REEP3: variants seen among roughly 807,000 people sequenced by gnomAD.
REEP3 encodes receptor expression-enhancing protein 3.
REEP3 carries 20 observed loss-of-function variants against 41.3 expected under a neutral mutation model. That is an observed-to-expected ratio of 0.48 (90% CI 0.34 to 0.70). REEP3 has a LOEUF of 0.70. REEP3 is among the 30% of genes least tolerant of loss of function. The pLI, the probability that REEP3 is intolerant of heterozygous loss-of-function variation, is 0.01. For synonymous variants in REEP3, 104 were observed against 101.8 expected (o/e 1.02, Z -0.13); for missense variants, 271 against 308.8 (o/e 0.88, Z 0.92).
intron 4 of REEP3, 85 bp downstream of exon 4, chr10:63,598,229 C>CAA: frequency 2.1e-6 from 2 of 955,614 alleles, no homozygotes; most frequent in Non-Finnish European, 3.0e-6. Context: ...CCTGTAATCC[C>CAA]AGCACTTTGG....
chr10:63,528,724 G>A (rs1023207467), intron 1 of REEP3, among the ~76,000 whole-genome samples: 2 of 152,174 alleles, frequency 1.3e-5, no homozygotes, highest in African/African-American at 2.4e-5. Flanking sequence ...TCCAGCCACA[G>A]TGATCTCCAA....
rs1956377092 is a variant in REEP3 at position 63,624,018 on chromosome 10, C to A, written c.*3149C>A. On this transcript the variant is annotated 3_prime_UTR_variant, in exon 8 of 8. Coordinates refer to ENST00000373758, the MANE Select transcript of REEP3 (RefSeq NM_001001330.3). ...TTAGAATAACACAGTCTGTGCTTTC[C>A]AAAAATGCTTGAACTTTTATGTTGT... 6.6e-6 allele frequency: 1 copy of A among 151,424 alleles called. No homozygotes were observed. Among genetic ancestry groups the A allele is most frequent in the Admixed American group, 6.6e-5 (1 of 15,202 alleles). 9.4% of individuals were successfully genotyped at this position (151,424 alleles called of 1,614,324 possible).
intron 3 of REEP3, among the ~76,000 whole-genome samples, chr10:63,597,485 C>G (rs546271580): frequency 2.6e-5 from 4 of 152,156 alleles, no homozygotes; most frequent in Non-Finnish European, 5.9e-5. Flanking sequence ...CTTTCCTATG[C>G]TTACTACAAA....
At chr10:63,589,384 A>G (rs891986762) in intron 2 of REEP3, among the ~76,000 whole-genome samples, 1 of 152,176 alleles carries the variant, frequency 6.6e-6, no homozygotes, top group South Asian at 2.1e-4. Context: ...CTTATGGCCC[A>G]GGAGACTGGT....
At chr10:63,586,492 T>TTTTTA (rs1442165159) in intron 2 of REEP3, among the ~76,000 whole-genome samples, 4 of 152,178 alleles carry the variant, frequency 2.6e-5, no homozygotes, top group Non-Finnish European at 4.4e-5. Context: ...TACTTATATA[T>TTTTTA]TTTTATTTTA....
At chr10:63,620,559 T>C (rs1275157612) in intron 7 of REEP3, among the ~76,000 whole-genome samples, 1 of 147,956 alleles carries the variant, frequency 6.8e-6, no homozygotes, top group Non-Finnish European at 1.5e-5. Context: ...TCATTGACAT[T>C]GTACTAAGCA....
intron 1 of REEP3, among the ~76,000 whole-genome samples, chr10:63,526,692 T>G (rs1402234595): frequency 6.6e-6 from 1 of 152,144 alleles, no homozygotes; most frequent in Non-Finnish European, 1.5e-5. Context: ...TTATATATAT[T>G]ATGCATACAG....
In REEP3 at chr10:63,594,803, T is replaced by C. The variant is rs1956098361; in HGVS notation, c.131T>C (p.Val44Ala). 6.2e-7 allele frequency: 1 copy of C among 1,612,094 alleles called. No individual in the cohort carries two copies. The highest frequency in any genetic ancestry group is 1.7e-5 in the Admixed American group (1 of 60,010). Residue 44 changes from valine (V) to alanine (A), a missense_variant, in exon 3 of 8, where the codon GTT becomes GCT. By Grantham distance (64) the Val-to-Ala change is moderately conservative (BLOSUM62 0). Transcript: ENST00000373758. ...EYVRWMMYWI[V>A]FALYTVIETV... ...GTTCGATGGATGATGTACTGGATTG[T>C]TTTTGCTCTCTATACTGTGATTGAA...
At chr10:63,574,306 T>C (rs1033177440) in intron 2 of REEP3, among the ~76,000 whole-genome samples, 1 of 152,194 alleles carries the variant, frequency 6.6e-6, no homozygotes, top group Non-Finnish European at 1.5e-5. Flanking sequence ...TTTGTTTAGC[T>C]CAATATTCAA....
intron 1 of REEP3, among the ~76,000 whole-genome samples, chr10:63,561,313 T>C (rs994607018): frequency 6.6e-6 from 1 of 152,090 alleles, no homozygotes; most frequent in African/African-American, 2.4e-5. Flanking sequence ...AAAATAGCGG[T>C]AATTTAGAAG....
intron 1 of REEP3, among the ~76,000 whole-genome samples, chr10:63,560,598 A>G (rs535143207): frequency 6.9e-4 from 105 of 152,334 alleles, no homozygotes; most frequent in Non-Finnish European, 1.3e-3. Context: ...CGGGGTGAAC[A>G]GTATCTTATT....
In REEP3 at chr10:63,610,279, C is replaced by T. The variant is rs1354767727; in HGVS notation, c.510C>T (p.Tyr170=). Residue 170 remains tyrosine, a synonymous_variant, in exon 6 of 8, where the codon TAC becomes TAT. Transcript: ENST00000373758. ...QGDEPVGQRP[Y]QPLPEAKKKS... ...ATGAGCCTGTGGGACAAAGACCATA[C>T]CAACCTCTACCAGAAGCAAAAAAGA... 6.3e-7 allele frequency: 1 copy of T among 1,581,640 alleles called. No individual in the cohort carries two copies. The highest frequency in any genetic ancestry group is 2.3e-5 in the East Asian group (1 of 44,078).
intron 1 of REEP3, among the ~76,000 whole-genome samples, chr10:63,532,031 G>C (rs371460749): frequency 2.8e-4 from 43 of 152,128 alleles, no homozygotes; most frequent in African/African-American, 9.7e-4. Context: ...CACGTATTCT[G>C]CACATCAGGT....
chr10:63,522,362 C>T (rs911777826), intron 1 of REEP3, among the ~76,000 whole-genome samples: 1 of 152,106 alleles, frequency 6.6e-6, no homozygotes, highest in African/African-American at 2.4e-5. Flanking sequence ...CCAACAAGTG[C>T]TACAGGTCTG....
rs1488972790 is a variant in REEP3, at chr10:63,625,008, G to A, written c.*4139G>A. 2 of 152,038 alleles carry A rather than the reference G, an allele frequency of 1.3e-5. No homozygotes were observed. The highest frequency in any genetic ancestry group is 2.9e-5 in the Non-Finnish European group (2 of 67,948). The allele number at this position is 152,038 out of a possible 1,614,324, so 9.4% of individuals were successfully genotyped here. ...GTGTTACTTCATTATGACACATAAT[G>A]CGTGTTAAGGTCTTTCTAGATAGCA... On this transcript the variant is annotated 3_prime_UTR_variant, in exon 8 of 8. Transcript: ENST00000373758.
intron 3 of REEP3, among the ~76,000 whole-genome samples, chr10:63,596,383 G>T (rs548222176): frequency 5.6e-4 from 82 of 147,282 alleles, no homozygotes; most frequent in African/African-American, 2.1e-3. Context: ...GATTGCAAAT[G>T]TAGCCTATAT....
intron 1 of REEP3, among the ~76,000 whole-genome samples, chr10:63,546,641 C>T (rs1360864780): frequency 6.6e-6 from 1 of 152,122 alleles, no homozygotes; most frequent in Non-Finnish European, 1.5e-5. Flanking sequence ...ATTACAACAA[C>T]ATGGTATTGG....
intron 5 of REEP3, among the ~76,000 whole-genome samples, chr10:63,609,451 CAAAAA>C (rs376009971): frequency 1.2e-5 from 1 of 81,232 alleles, no homozygotes; most frequent in Non-Finnish European, 2.6e-5. Flanking sequence ...GACTCTGTCT[CAAAAA>C]AAAAAAAAAA....
At chr10:63,614,552 C>T (rs1452584437) in intron 6 of REEP3, among the ~76,000 whole-genome samples, 2 of 152,198 alleles carry the variant, frequency 1.3e-5, no homozygotes, top group African/African-American at 4.8e-5. Flanking sequence ...TCCATGTGGT[C>T]TCTAAGGGTG....
Sources: allele counts gnomAD v4.1 joint callset (sites outside exome capture counted in the v4.1 genomes callset), GRCh38; gene constraint gnomAD v4.1.1; transcripts MANE v1.5; gene names NCBI Gene and HGNC (gene_info 2026-07-23, HGNC 2026-07-21).